Variants in TMCO1 observed in about 807,000 individuals in gnomAD.
TMCO1 encodes the protein calcium load-activated calcium channel.
Under a neutral mutation model 29.3 loss-of-function variants are expected in TMCO1, and 29 were observed. The ratio of observed to expected loss-of-function variants is 0.99; its 90% CI spans 0.74 to 1.35. TMCO1 has a LOEUF of 1.35. Ranked by LOEUF, TMCO1 falls within the 40% of genes most tolerant of loss-of-function variation. TMCO1 has a pLI of 0.00. For missense variants in TMCO1, 173 were observed against 225.5 expected, an observed-to-expected ratio of 0.77 and a Z score of 1.49; for synonymous variants, 80 against 77.1, an observed-to-expected ratio of 1.04 and a Z score of -0.20.
At chr1:165,730,639 G>A (rs188240928) in intron 6 of TMCO1, among the ~76,000 whole-genome samples, 9 of 152,306 alleles carry the variant, frequency 5.9e-5, no homozygotes, top group Non-Finnish European at 1.3e-4. Flanking sequence ...CTGTCACTGA[G>A]GCTGGAGTGC....
intron 6 of TMCO1, among the ~76,000 whole-genome samples, chr1:165,737,111 C>T (rs1184747854): frequency 6.6e-6 from 1 of 152,162 alleles, no homozygotes; most frequent in Non-Finnish European, 1.5e-5. Flanking sequence ...GCCCAGCAGA[C>T]AAGGTTTTTA....
chr1:165,754,186 A>C, intron 4 of TMCO1, 42 bp downstream of exon 4: 1 of 1,550,016 alleles, frequency 6.5e-7, no homozygotes, highest in Middle Eastern at 1.9e-4. Context: ...TTTGCTAAAA[A>C]TATTATGTGG....
downstream of TMCO1, chr1:165,724,755 T>C: frequency 2.2e-6 from 1 of 453,842 alleles, no homozygotes; most frequent in Non-Finnish European, 4.4e-6. Flanking sequence ...TTGACATCTA[T>C]AGACAACACA....
At chr1:165,731,889 T>G (rs1651173791) in intron 6 of TMCO1, among the ~76,000 whole-genome samples, 1 of 152,250 alleles carries the variant, frequency 6.6e-6, no homozygotes, top group South Asian at 2.1e-4. Flanking sequence ...CTAAATTAAA[T>G]GTATCGGTGT....
At chr1:165,755,507 AC>A (rs747733568) in intron 3 of TMCO1, among the ~76,000 whole-genome samples, 43 of 152,176 alleles carry the variant, frequency 2.8e-4, no homozygotes, top group Non-Finnish European at 5.4e-4. Context: ...CCCCATCTCT[AC>A]AAAAAACTTA....
At position 165,728,049 on chromosome 1, in the gene TMCO1, G is replaced by A. The variant is rs749769560; in HGVS notation, c.541C>T (p.Pro181Ser). The A allele has an allele frequency of 1.7e-5, 28 of 1,608,608 alleles. No homozygotes were observed. The highest frequency in any genetic ancestry group is 2.4e-5 in the Non-Finnish European group (28 of 1,176,484). The change falls in exon 7 of 7, where the codon CCA becomes TCA. Residue 181 changes from proline (P) to serine (S), a missense_variant. Transcript: ENST00000367881. ...TKQAGGFLGPPPPSGKFS is the reference protein window; with the variant it reads ...TKQAGGFLGPSPPSGKFS Reference sequence around the variant, plus strand: ...CAAGAGAACTTCCCAGAAGGAGGTGGTGGGCCAAGAAATCCACCTGCCTGC... The same window carrying A: ...CAAGAGAACTTCCCAGAAGGAGGTGATGGGCCAAGAAATCCACCTGCCTGC...
At chr1:165,751,215 ACT>A (rs1651981893) in intron 5 of TMCO1, among the ~76,000 whole-genome samples, 1 of 152,040 alleles carries the variant, frequency 6.6e-6, no homozygotes, top group South Asian at 2.1e-4. Context: ...AGTTATTAAG[ACT>A]CTATTTTAAG....
intron 2 of TMCO1, among the ~76,000 whole-genome samples, chr1:165,760,450 T>A (rs78976275): frequency 0.014 from 1,889 of 133,762 alleles, 50 homozygotes; most frequent in African/African-American, 0.051. Context: ...AAAAAAAAAA[T>A]ACCAATTTTT....
intron 5 of TMCO1, among the ~76,000 whole-genome samples, chr1:165,747,267 C>CAAAAAAAAAAA (rs137894882): frequency 1.2e-5 from 1 of 81,970 alleles, no homozygotes; most frequent in East Asian, 3.5e-4. Flanking sequence ...GGCTCTGTCT[C>CAAAAAAAAAAA]AAAAAAAAAA....
rs1021203833 is a variant in TMCO1, at chr1:165,750,744, A to G, written c.323+1358T>C. ...AGTTTATATTCAGCCTGGGCAACAC[A>G]GTGACACCTTGTCTGTACAAAAAAC... On this transcript the variant is annotated intron_variant, in intron 5 of 6. Coordinates refer to ENST00000367881, the MANE Select transcript of TMCO1 (RefSeq NM_019026.6). 1.3e-5 allele frequency among the ~76,000 whole-genome samples: 2 copies of G among 152,072 alleles called. 1 individual carries two copies. The highest frequency in any genetic ancestry group is 1.3e-4 in the Admixed American group (2 of 15,284).
chr1:165,753,409 T>A (rs6662839), intron 4 of TMCO1, among the ~76,000 whole-genome samples: 1 of 149,406 alleles, frequency 6.7e-6, no homozygotes, highest in East Asian at 2.0e-4. Context: ...GGTGGCAGAG[T>A]TTGCAGTCAG....
intron 2 of TMCO1, among the ~76,000 whole-genome samples, chr1:165,765,008 G>C (rs769536557): frequency 6.6e-6 from 1 of 152,076 alleles, no homozygotes; most frequent in Non-Finnish European, 1.5e-5. Context: ...TGCATATATG[G>C]GGCAAAAGAA....
downstream of TMCO1, chr1:165,725,843 T>G: frequency 2.0e-6 from 1 of 489,832 alleles, no homozygotes; most frequent in Admixed American, 2.3e-5. Context: ...AAGAATAGAG[T>G]GAATATACAT....
In TMCO1 at chr1:165,727,236, T is replaced by C; in HGVS notation, c.*787A>G. The C allele has an allele frequency of 2.2e-6, 1 of 453,514 alleles. No homozygotes were observed. Among genetic ancestry groups the C allele is most frequent in the Non-Finnish European group, 4.4e-6 (1 of 226,666 alleles). The allele number at this position is 453,514 out of a possible 1,614,324, so 28.1% of individuals were successfully genotyped here. ...GTGCCCCCACAAGAATCTGAGAGAC[T>C]GTAATAGGATATGAAGAGAACAGCT... is the stretch of plus-strand genomic sequence containing the variant. On this transcript the variant is annotated 3_prime_UTR_variant, in exon 7 of 7. Transcript: ENST00000367881.
At chr1:165,743,849 A>G (rs1017336470) in intron 5 of TMCO1, among the ~76,000 whole-genome samples, 1 of 150,886 alleles carries the variant, frequency 6.6e-6, no homozygotes, top group African/African-American at 2.4e-5. Flanking sequence ...AATCTGAAAA[A>G]TCTTCTGATA....
At chr1:165,731,504 T>C (rs1189427213) in intron 6 of TMCO1, among the ~76,000 whole-genome samples, 1 of 152,178 alleles carries the variant, frequency 6.6e-6, no homozygotes, top group Non-Finnish European at 1.5e-5. Context: ...TTCTGAAGGG[T>C]CAAATAGATG....
At chr1:165,757,734 G>A (rs1652251701) in intron 3 of TMCO1, among the ~76,000 whole-genome samples, 1 of 152,214 alleles carries the variant, frequency 6.6e-6, no homozygotes, top group Non-Finnish European at 1.5e-5. Context: ...CTGACCTCAG[G>A]TGACCCACCC....
At chr1:165,744,790 CA>C (rs558392976) in intron 5 of TMCO1, among the ~76,000 whole-genome samples, 32,391 of 103,728 alleles carry the variant, frequency 0.31, 3,718 homozygotes, top group African/African-American at 0.38. Flanking sequence ...AACTCCATCT[CA>C]AAAAAAAAAA....
chr1:165,730,418 T>C (rs1238888349), intron 6 of TMCO1, among the ~76,000 whole-genome samples: 1 of 152,100 alleles, frequency 6.6e-6, no homozygotes, highest in East Asian at 1.9e-4. Context: ...TGTTTAAATA[T>C]GGAGGACATA....
Sources: allele counts gnomAD v4.1 joint callset (sites outside exome capture counted in the v4.1 genomes callset), GRCh38; gene constraint gnomAD v4.1.1; transcripts MANE v1.5; gene names NCBI Gene and HGNC (gene_info 2026-07-23, HGNC 2026-07-21).